IGSF5: variants seen among roughly 807,000 people sequenced by gnomAD.
The protein encoded by IGSF5 is immunoglobulin superfamily 5 like.
IGSF5 carries 41 observed loss-of-function variants against 39.4 expected under a neutral mutation model. The observed-to-expected ratio is 1.04, with a 90% CI of 0.81 to 1.35. The LOEUF (loss-of-function observed/expected upper bound fraction) is 1.35. Among genes scored for constraint, IGSF5 ranks in the 40% most tolerant of loss-of-function variants. IGSF5 has a pLI of 0.00. For missense variants in IGSF5, 487 were observed against 494.6 expected (o/e 0.98, Z 0.15); for synonymous variants, 183 against 175.3 (o/e 1.04, Z -0.34).
At chr21:39,766,094 A>G in intron 3 of IGSF5, among the ~76,000 whole-genome samples, 1 of 151,872 alleles carries the variant, frequency 6.6e-6, no homozygotes. Flanking sequence ...TGTGTGCTCT[A>G]GCCTTCAGTT....
chr21:39,793,644 CT>C, intron 8 of IGSF5, 31 bp downstream of exon 8: 3 of 1,560,190 alleles, frequency 1.9e-6, no homozygotes, highest in Admixed American at 3.4e-5. Flanking sequence ...CCTTTTTGGA[CT>C]TTTTTGGCTA....
chr21:39,716,697 C>T, the IGSF5 span, among the ~76,000 whole-genome samples: 6 of 152,242 alleles, frequency 3.9e-5, no homozygotes, highest in African/African-American at 1.4e-4. Context: ...TTTATGGTTG[C>T]ATAATATTCT....
At chr21:39,777,692 G>C (rs1020049632) in intron 4 of IGSF5, among the ~76,000 whole-genome samples, 3 of 152,178 alleles carry the variant, frequency 2.0e-5, no homozygotes, top group Non-Finnish European at 4.4e-5. Flanking sequence ...TAATCCTACA[G>C]TTCTGCTCTG....
At chr21:39,736,106 G>A in the IGSF5 span, among the ~76,000 whole-genome samples, 10 of 150,450 alleles carry the variant, frequency 6.6e-5, no homozygotes, top group African/African-American at 1.3e-4. Flanking sequence ...AGGGGTCCCA[G>A]GCCCCCTGGC....
At chr21:39,720,515 A>G in the IGSF5 span, among the ~76,000 whole-genome samples, 1 of 152,204 alleles carries the variant, frequency 6.6e-6, no homozygotes, top group African/African-American at 2.4e-5. Flanking sequence ...AACATCAGAC[A>G]AATCTCAATT....
chr21:39,775,830 C>T (rs923952964), intron 4 of IGSF5, among the ~76,000 whole-genome samples: 16 of 152,216 alleles, frequency 1.1e-4, no homozygotes, highest in Non-Finnish European at 2.4e-4. Flanking sequence ...ACCAGCACCC[C>T]ACTGTAGACT....
chr21:39,757,222 C>T (rs2080035628), intron 2 of IGSF5, among the ~76,000 whole-genome samples: 1 of 152,140 alleles, frequency 6.6e-6, no homozygotes, highest in Non-Finnish European at 1.5e-5. Context: ...TGTTTCTCCC[C>T]ACACCTATTG....
At position 39,799,793 on chromosome 21, in the gene IGSF5, G is replaced by A. The variant is rs2087018942; in HGVS notation, c.1129-1469G>A. Among the ~76,000 whole-genome samples the A allele has an allele frequency of 2.6e-5, 4 of 151,970 alleles. No homozygotes were observed. In the South Asian group the frequency reaches 8.3e-4, roughly 32 times the overall value. On this transcript the variant is annotated intron_variant, in intron 8 of 8. Coordinates refer to ENST00000380588, the MANE Select transcript of IGSF5 (RefSeq NM_001080444.2). ...ATTAACCCTTCCATATTTTAGATGG[G>A]TCCTAAAGCACATTGCATTCAACGT...
At chr21:39,758,993 G>T (rs906940846) in intron 2 of IGSF5, among the ~76,000 whole-genome samples, 5 of 152,234 alleles carry the variant, frequency 3.3e-5, no homozygotes, top group African/African-American at 1.2e-4. Context: ...AGAGCATTCA[G>T]TGGACAACTC....
chr21:39,736,557 A>G, the IGSF5 span, among the ~76,000 whole-genome samples: 1 of 152,090 alleles, frequency 6.6e-6, no homozygotes, highest in South Asian at 2.1e-4. Flanking sequence ...TTAAAGTATA[A>G]TTTAAAAAAA....
the IGSF5 span, among the ~76,000 whole-genome samples, chr21:39,735,388 C>G: frequency 2.6e-5 from 4 of 152,132 alleles, no homozygotes; most frequent in African/African-American, 9.7e-5. Context: ...ACTGAAATTA[C>G]AAATAGTTGT....
At chr21:39,795,354 TC>T in intron 8 of IGSF5, among the ~76,000 whole-genome samples, 1 of 152,162 alleles carries the variant, frequency 6.6e-6, no homozygotes, top group South Asian at 2.1e-4. Flanking sequence ...CCACCCCAGC[TC>T]CAAGCACGGA....
At chr21:39,739,886 A>G in the IGSF5 span, among the ~76,000 whole-genome samples, 1 of 152,290 alleles carries the variant, frequency 6.6e-6, no homozygotes, top group East Asian at 1.9e-4. Flanking sequence ...AGATACAGGG[A>G]TTCAAATGTA....
At chr21:39,750,725 C>T (rs1044097010) in intron 2 of IGSF5, among the ~76,000 whole-genome samples, 8 of 146,194 alleles carry the variant, frequency 5.5e-5, no homozygotes, top group East Asian at 1.9e-4. Context: ...ATCCAGAGGA[C>T]GCACCCTCGG....
upstream of IGSF5, among the ~76,000 whole-genome samples, chr21:39,743,018 C>G (rs1205642170): frequency 2.0e-5 from 3 of 152,194 alleles, no homozygotes; most frequent in Non-Finnish European, 1.5e-5. Flanking sequence ...CCCTTAGTCT[C>G]TCCAGAAAGG....
chr21:39,719,298 A>T, the IGSF5 span, among the ~76,000 whole-genome samples: 12 of 152,054 alleles, frequency 7.9e-5, no homozygotes, highest in South Asian at 2.3e-3. Context: ...TTTTTATTGC[A>T]CTTTTCTTCC....
At position 39,760,590 on chromosome 21, in the gene IGSF5, T is replaced by A. The variant is rs540503203; in HGVS notation, c.101-4945T>A. ...GACTAAGTCAGGTCTTTTTTTTTTTTAGACGGAGTCTCACTCTGTCGTCAG... is the reference window on the plus strand; with the variant it reads ...GACTAAGTCAGGTCTTTTTTTTTTTAAGACGGAGTCTCACTCTGTCGTCAG... On this transcript the variant is annotated intron_variant, in intron 2 of 8. Transcript: ENST00000380588. Among the ~76,000 whole-genome samples, 33 of 146,318 alleles carry A rather than the reference T, an allele frequency of 2.3e-4. 1 individual carries two copies. Among genetic ancestry groups the A allele is most frequent in the Non-Finnish European group, 4.6e-4 (30 of 65,780 alleles).
At chr21:39,745,685 C>G (rs2079970527) in intron 1 of IGSF5, among the ~76,000 whole-genome samples, 159 bp downstream of exon 1, 2 of 152,114 alleles carry the variant, frequency 1.3e-5, no homozygotes, top group South Asian at 2.1e-4. Flanking sequence ...CCAGGCAGAC[C>G]AATGTCCCCA....
intron 6 of IGSF5, chr21:39,791,532 G>T (rs464351): frequency 0.8 from 121,266 of 152,276 alleles, 48,440 homozygotes; most frequent in Admixed American, 0.84. Context: ...GTAGTAAATA[G>T]TTTTAGTTTT....
Sources: gnomAD v4.1 joint callset for allele counts (sites outside exome capture counted in the v4.1 genomes callset) on GRCh38, gnomAD v4.1.1 for gene constraint, MANE v1.5 for transcripts, NCBI Gene and HGNC (gene_info 2026-07-23, HGNC 2026-07-21) for gene names.